The following TTC6 variants were observed in gnomAD, a reference collection of about 807,000 sequenced individuals.
TTC6 encodes the protein tetratricopeptide repeat protein 6.
TTC6 carries 172 observed loss-of-function variants against 210.4 expected under a neutral mutation model. That is an observed-to-expected ratio of 0.82 (90% confidence interval 0.72 to 0.93). The LOEUF (loss-of-function observed/expected upper bound fraction) is 0.93. TTC6 is among the 40% of genes least tolerant of loss of function. TTC6 has a pLI of 0.00. For synonymous variants in TTC6, 804 were observed against 819.6 expected (o/e 0.98, Z 0.32); for missense variants, 2,414 against 2,318.1 (o/e 1.04, Z -0.85).
chr14:37,811,382 T>G (rs2096129227), intron 24 of TTC6, among the ~76,000 whole-genome samples: 1 of 152,200 alleles, frequency 6.6e-6, no homozygotes. Flanking sequence ...GATCTTTAAC[T>G]GCACATTTTT....
chr14:37,600,098 C>A (rs1028432406), intron 1 of TTC6, among the ~76,000 whole-genome samples: 1 of 152,174 alleles, frequency 6.6e-6, no homozygotes, highest in African/African-American at 2.4e-5. Context: ...TGGCAATGCA[C>A]GCTTCACACA....
At chr14:37,756,152 G>A (rs983478875) in intron 14 of TTC6, among the ~76,000 whole-genome samples, 9 of 152,208 alleles carry the variant, frequency 5.9e-5, no homozygotes, top group South Asian at 2.1e-4. Flanking sequence ...CTCTCTGTTC[G>A]TCTATTATTG....
At position 37,787,508 on chromosome 14, in the gene TTC6, A is replaced by T; in HGVS notation, c.3307A>T (p.Lys1103Ter). Reference sequence around the variant, plus strand: ...TGCATATGTTAAATGGAAATTTTATAAAGAAGCAACTCAAGATTTTTCTGC... The same window carrying T: ...TGCATATGTTAAATGGAAATTTTATTAAGAAGCAACTCAAGATTTTTCTGC... Residue 1103 changes from lysine (K) to a stop codon, truncating the protein, a stop_gained, in exon 15 of 31, where the codon AAA (lysine) becomes TAA (stop). Transcript: ENST00000553443. LOFTEE classifies it high-confidence loss of function. 6.5e-7 allele frequency: 1 copy of T among 1,529,728 alleles called. No individual in the cohort carries two copies. The highest frequency in any genetic ancestry group is 8.8e-7 in the Non-Finnish European group (1 of 1,142,818). The allele number at this position is 1,529,728 out of a possible 1,614,324, so 94.8% of individuals were successfully genotyped here.
chr14:37,623,085 A>C lies in TTC6; in HGVS notation c.939+82A>C, dbSNP rs548768714. 2.8e-5 allele frequency: 25 copies of C among 881,778 alleles called. No homozygotes were observed. The South Asian group carries it at 4.6e-4, about 16-fold the overall frequency. 54.6% of individuals were successfully genotyped at this position (881,778 alleles called of 1,614,324 possible). The stretch of plus-strand genomic sequence containing the variant: ...CATATGTAAGAGTAGTTTATTATGG[A>C]TAATATTTCAGTGCATAAGGTGTCA... On this transcript the variant is annotated intron_variant, in intron 1 of 30. Coordinates refer to ENST00000553443, the Ensembl canonical transcript of TTC6.
intron 1 of TTC6, among the ~76,000 whole-genome samples, chr14:37,660,477 T>C (rs920755997): frequency 1.3e-5 from 2 of 152,180 alleles, no homozygotes; most frequent in Admixed American, 6.5e-5. Context: ...TGAGAATATG[T>C]GGTATATTTG....
chr14:37,597,343 C>T (rs2181180), intron 1 of TTC6, among the ~76,000 whole-genome samples: 6,504 of 152,160 alleles, frequency 0.043, 236 homozygotes, highest in East Asian at 0.17. Flanking sequence ...CCAATACCCT[C>T]TTGGCTCTTC....
At chr14:37,782,731 T>G (rs1484226635) in intron 14 of TTC6, among the ~76,000 whole-genome samples, 1 of 152,200 alleles carries the variant, frequency 6.6e-6, no homozygotes, top group East Asian at 1.9e-4. Context: ...TGTTTCCAGT[T>G]TTTGCCCATT....
intron 1 of TTC6, among the ~76,000 whole-genome samples, chr14:37,599,331 G>A (rs1017516554): frequency 6.6e-6 from 1 of 152,318 alleles, no homozygotes; most frequent in Non-Finnish European, 1.5e-5. Context: ...GTAGGTAGGG[G>A]CCCTGGGACC....
chr14:37,737,782 C>A, intron 9 of TTC6, 48 bp downstream of exon 11: 8 of 1,047,304 alleles, frequency 7.6e-6, no homozygotes, highest in South Asian at 3.5e-5. Context: ...CATTTATATT[C>A]CTAGGAATAA....
At chr14:37,818,499 G>A (rs1595308796) in intron 26 of TTC6, among the ~76,000 whole-genome samples, 1 of 150,500 alleles carries the variant, frequency 6.6e-6, no homozygotes, top group East Asian at 1.9e-4. Context: ...TTAATTTGGA[G>A]GATTAAGTTA....
At chr14:37,674,156 G>T (rs1336500250) in intron 1 of TTC6, among the ~76,000 whole-genome samples, 3 of 151,272 alleles carry the variant, frequency 2.0e-5, no homozygotes, top group African/African-American at 7.3e-5. Flanking sequence ...ATTTCCTAAG[G>T]CACTGTTTTG....
At chr14:37,676,787 T>G (rs1472722725) in intron 1 of TTC6, among the ~76,000 whole-genome samples, 1 of 152,104 alleles carries the variant, frequency 6.6e-6, no homozygotes, top group African/African-American at 2.4e-5. Flanking sequence ...CATGTAGATA[T>G]TCAGTTGCCC....
At chr14:37,822,690 T>C (rs902329075) in intron 26 of TTC6, among the ~76,000 whole-genome samples, 1 of 152,196 alleles carries the variant, frequency 6.6e-6, no homozygotes, top group African/African-American at 2.4e-5. Flanking sequence ...TCACTGTTTC[T>C]TGTGCACCAA....
intron 27 of TTC6, among the ~76,000 whole-genome samples, chr14:37,824,783 G>A (rs568463820): frequency 1.3e-5 from 2 of 152,104 alleles, no homozygotes; most frequent in African/African-American, 4.8e-5. Context: ...AGCAGGGGCC[G>A]TGGCTAGGAT....
In TTC6 at chr14:37,684,336, C is replaced by T. The variant is rs190069846; in HGVS notation, c.1257+1372C>T. Among the ~76,000 whole-genome samples, 12 of 152,196 alleles carry T rather than the reference C, an allele frequency of 7.9e-5. No individual in the cohort carries two copies. In the East Asian group the frequency reaches 1.7e-3, roughly 22 times the overall value. On this transcript the variant is annotated intron_variant, in intron 3 of 30. Transcript: ENST00000553443. ...TAGCCTATTGATCTTCCATGAATAA[C>T]AGGTAATAAGGAAGATCCACAAGTA...
At chr14:37,804,551 G>T in intron 20 of TTC6, 129 bp from the exon 23 acceptor site, 1 of 1,247,720 alleles carries the variant, frequency 8.0e-7, no homozygotes, top group Non-Finnish European at 1.1e-6. Flanking sequence ...CACCAGGTCT[G>T]TTTGTCCCCA....
rs138606973 is a variant in TTC6 at position 37,612,853 on chromosome 14, A to G, written c.-155+6111A>G. 9.9e-3 allele frequency among the ~76,000 whole-genome samples: 1,513 copies of G among 152,262 alleles called. 97 individuals are homozygous for G. The highest frequency in any genetic ancestry group is 0.094 in the Admixed American group (1,438 of 15,292). On this transcript the variant is annotated intron_variant, in intron 2 of 2. Coordinates refer to the TTC6 transcript ENST00000556845. ...TAACTGTGTATTGTGCAACCTTGAT[A>G]CTTTCACTCTTAGTACATATAGATT...
At position 37,832,321 on chromosome 14, in the gene TTC6, CTT is replaced by C. The variant is rs1353925425; in HGVS notation, c.5298+4957_5298+4958del. On this transcript the variant is annotated intron_variant, in intron 29 of 30. Coordinates refer to ENST00000553443, the Ensembl canonical transcript of TTC6. ...CTCTGATATTTATTATTTTCTTTTT[CTT>C]TCTCTCTTTTTTTTTTTTTTTTTTT... Among the ~76,000 whole-genome samples, 3 of 86,080 alleles carry C rather than the reference CTT, an allele frequency of 3.5e-5. No individual in the cohort carries two copies. The East Asian group carries it at 1.2e-3, about 36-fold the overall frequency. 56.5% of individuals were successfully genotyped at this position (86,080 alleles called of 152,430 possible). A position where few individuals can be genotyped will look rare whatever the true frequency, so the allele number is the denominator to read the frequency against.
chr14:37,793,413 A>G (rs1294805662), intron 17 of TTC6, among the ~76,000 whole-genome samples: 3 of 152,242 alleles, frequency 2.0e-5, no homozygotes, highest in African/African-American at 7.2e-5. Context: ...ACAAAGGTTT[A>G]TTCCTTGCTC....
Sources: allele counts gnomAD v4.1 joint callset (sites outside exome capture counted in the v4.1 genomes callset), GRCh38; gene constraint gnomAD v4.1.1; transcripts MANE v1.5; gene names NCBI Gene and HGNC (gene_info 2026-07-23, HGNC 2026-07-21).